Variants in GEN1 observed in about 807,000 individuals in gnomAD.
GEN1 encodes flap endonuclease GEN homolog 1.
Under a neutral mutation model 67.6 loss-of-function variants are expected in GEN1, and 64 were observed. The observed-to-expected ratio is 0.95, with a 90% CI of 0.77 to 1.17. GEN1 has a LOEUF of 1.17. GEN1 is among the 50% of genes most tolerant of loss of function. The probability of loss-of-function intolerance (pLI) is 0.00; values close to 1 mark genes in which losing one functional copy is unlikely to be tolerated. For synonymous variants in GEN1, 371 were observed against 359.4 expected, an observed-to-expected ratio of 1.03 and a Z score of -0.37; for missense variants, 1,058 against 1,048.3, an observed-to-expected ratio of 1.01 and a Z score of -0.13.
Position 17,778,407 on chromosome 2 carries a change from CACATATATGTGTGT to C in GEN1, c.1264+355_1264+368del, listed in dbSNP as rs760158880. 4.4e-4 allele frequency among the ~76,000 whole-genome samples: 35 copies of C among 79,176 alleles called. 5 individuals carry two copies. Among genetic ancestry groups the C allele is most frequent in the African/African-American group, 1.4e-3 (34 of 24,218 alleles). 51.9% of individuals were successfully genotyped at this position (79,176 alleles called of 152,430 possible). A position where few individuals can be genotyped will look rare whatever the true frequency, so the allele number is the denominator to read the frequency against. ...ATGTGTGTACATATATGTATATACA[CACATATATGTGTGT>C]ACATATATGTATATACACACACATA... On this transcript the variant is annotated intron_variant, in intron 12 of 13. Coordinates refer to ENST00000381254, the MANE Select transcript of GEN1 (RefSeq NM_001130009.3).
chr2:17,759,964 G>C lies in GEN1; in HGVS notation c.21G>C (p.Trp7Cys). 5 of 1,613,782 alleles carry C rather than the reference G, an allele frequency of 3.1e-6. No homozygotes were observed. Among genetic ancestry groups the C allele is most frequent in the Non-Finnish European group, 4.2e-6 (5 of 1,179,910 alleles). Residue 7 changes from tryptophan to cysteine, a missense_variant, in exon 2 of 14, where the codon TGG (tryptophan) becomes TGC (cysteine). Trp to Cys is a radical substitution (Grantham distance 215, BLOSUM62 -2). Coordinates refer to ENST00000381254, the MANE Select transcript of GEN1 (RefSeq NM_001130009.3). MGVNDL[W>C]QILEPVKQHI... ...CCAGAATGGGAGTGAATGACTTGTGGCAAATTTTGGAGCCTGTTAAGCAAC... is the reference window on the plus strand; with the variant it reads ...CCAGAATGGGAGTGAATGACTTGTGCCAAATTTTGGAGCCTGTTAAGCAAC...
intron 3 of GEN1, 128 bp downstream of exon 3, chr2:17,761,710 G>GT: frequency 1.5e-6 from 1 of 658,694 alleles, no homozygotes; most frequent in East Asian, 3.1e-5. Context: ...AGAGAAAAGA[G>GT]TTTATTTTTT....
At position 17,780,859 on chromosome 2, in the gene GEN1, A is replaced by T; in HGVS notation, c.1647A>T (p.Arg549Ser). Residue 549 changes from arginine to serine, a missense_variant, in exon 14 of 14, where the codon AGA becomes AGT. Coordinates refer to ENST00000381254, the MANE Select transcript of GEN1 (RefSeq NM_001130009.3). ...AAGAACAGTTCATGTCTTCTCTAAG[A>T]CCTTTGGCTATACAGCAAATTAAAG... ...NAQEQFMSSL[R>S]PLAIQQIKAV... 6.2e-7 allele frequency: 1 copy of T among 1,613,934 alleles called. No homozygotes were observed. Among genetic ancestry groups the T allele is most frequent in the Non-Finnish European group, 8.5e-7 (1 of 1,179,902 alleles).
chr2:17,780,762 T>G lies in GEN1; in HGVS notation c.1550T>G (p.Leu517Ter). 1 of 1,614,010 alleles carries G rather than the reference T, an allele frequency of 6.2e-7. No individual in the cohort carries two copies. The highest frequency in any genetic ancestry group is 2.2e-5 in the East Asian group (1 of 44,854). Residue 517 changes from leucine to a stop codon, truncating the protein, a stop_gained, in exon 14 of 14, where the codon TTA becomes TGA. Transcript: ENST00000381254. LOFTEE classifies it low-confidence loss of function (END_TRUNC). ...LNSGISPDPT[L>*]PQESISASLN... ...TCGGGGATTTCCCCTGATCCTACAT[T>G]ACCACAGGAATCTATTTCTGCCTCA...
chr2:17,769,226 A>G (rs1672072288), intron 6 of GEN1, among the ~76,000 whole-genome samples: 3 of 151,020 alleles, frequency 2.0e-5, no homozygotes. Context: ...TATATTAAAC[A>G]TGTTAATATA....
intron 2 of GEN1, among the ~76,000 whole-genome samples, chr2:17,760,678 T>C (rs1671633654): frequency 1.3e-5 from 2 of 152,148 alleles, no homozygotes; most frequent in Non-Finnish European, 2.9e-5. Context: ...TCCCAGCACT[T>C]TGGGAGGCCG....
chr2:17,775,635 A>G (rs951451758), intron 11 of GEN1, among the ~76,000 whole-genome samples: 1 of 152,228 alleles, frequency 6.6e-6, no homozygotes, highest in African/African-American at 2.4e-5. Context: ...AGATTGCTGC[A>G]GAGAAAGGAT....
At chr2:17,772,813 T>C in intron 8 of GEN1, 29 bp downstream of exon 8, 2 of 1,569,064 alleles carry the variant, frequency 1.3e-6, no homozygotes, top group Non-Finnish European at 1.7e-6. Context: ...TCATGATTTT[T>C]CCTGGCATGA....
chr2:17,785,340 A>G lies in GEN1; in HGVS notation c.*3401A>G, dbSNP rs1673022346. On this transcript the variant is annotated 3_prime_UTR_variant, in exon 14 of 14. Transcript: ENST00000381254. Reference sequence around the variant, plus strand: ...AAGCATTCCATGTTCTTGTTCCTTGATGTGGTCATGTTATCACTTGTAAAT... The same window carrying G: ...AAGCATTCCATGTTCTTGTTCCTTGGTGTGGTCATGTTATCACTTGTAAAT... The G allele has an allele frequency of 6.6e-6, 1 of 152,136 alleles. No individual in the cohort carries two copies. The highest frequency in any genetic ancestry group is 6.5e-5 in the Admixed American group (1 of 15,272). The allele number at this position is 152,136 out of a possible 1,614,324, so 9.4% of individuals were successfully genotyped here.
chr2:17,760,718 G>C (rs1671636005), intron 2 of GEN1, among the ~76,000 whole-genome samples: 1 of 152,076 alleles, frequency 6.6e-6, no homozygotes. Context: ...TCAGGAGTTT[G>C]AGACCAGCCT....
At chr2:17,772,990 C>T in intron 8 of GEN1, 106 bp from the exon 9 acceptor site, 2 of 842,312 alleles carry the variant, frequency 2.4e-6, no homozygotes, top group South Asian at 3.3e-5. Flanking sequence ...GTTTGGGATA[C>T]TGTAAATTCA....
Position 17,782,005 on chromosome 2 carries a change from A to G in GEN1, c.*66A>G. ...ATCAGCAATAGCAGAGACAGAGGGA[A>G]GGTATCTAGTTCATGTGTGGTAAAA... On this transcript the variant is annotated 3_prime_UTR_variant, in exon 14 of 14. Transcript: ENST00000381254. 1 of 856,160 alleles carries G rather than the reference A, an allele frequency of 1.2e-6. No homozygotes were observed. The highest frequency in any genetic ancestry group is 1.8e-6 in the Non-Finnish European group (1 of 552,452). The allele number at this position is 856,160 out of a possible 1,614,324, so 53.0% of individuals were successfully genotyped here. A position where few individuals can be genotyped will look rare whatever the true frequency, so the allele number is the denominator to read the frequency against.
intron 8 of GEN1, 30 bp downstream of exon 8, chr2:17,772,814 C>T (rs1672256433): frequency 1.3e-6 from 2 of 1,547,454 alleles, no homozygotes; most frequent in Non-Finnish European, 1.8e-6. Flanking sequence ...CATGATTTTT[C>T]CTGGCATGAC....
In GEN1 at chr2:17,764,751, A is replaced by T. The variant is rs889271704; in HGVS notation, c.349-146A>T. The T allele has an allele frequency of 8.6e-6, 6 of 694,968 alleles. No individual in the cohort carries two copies. In the East Asian group the frequency reaches 1.5e-4, roughly 17 times the overall value. The allele number at this position is 694,968 out of a possible 1,614,324, so 43.1% of individuals were successfully genotyped here. A position where few individuals can be genotyped will look rare whatever the true frequency, so the allele number is the denominator to read the frequency against. On this transcript the variant is annotated intron_variant, in intron 3 of 13. Transcript: ENST00000381254. ...CCCTCAAATATTCAGTCATTGTTCA[A>T]ATTTCCAAGTGTTTCTTAAATATCG...
chr2:17,773,372 A>T, intron 10 of GEN1, 73 bp downstream of exon 10: 1 of 930,806 alleles, frequency 1.1e-6, no homozygotes, highest in Non-Finnish European at 1.7e-6. Context: ...ATTCACTCTG[A>T]TTGGTCTTAG....
intron 1 of GEN1, among the ~76,000 whole-genome samples, chr2:17,759,262 G>A (rs1420636881): frequency 4.6e-5 from 7 of 152,220 alleles, no homozygotes. Context: ...ATAAGGAAAA[G>A]CTGGCCTATA....
chr2:17,754,232 T>C lies in GEN1; in HGVS notation c.-129T>C, dbSNP rs1364794775. 1 of 152,094 alleles carries C rather than the reference T, an allele frequency of 6.6e-6. No homozygotes were observed. Among genetic ancestry groups the C allele is most frequent in the Non-Finnish European group, 1.5e-5 (1 of 68,084 alleles). 9.4% of individuals were successfully genotyped at this position (152,094 alleles called of 1,614,324 possible). A position where few individuals can be genotyped will look rare whatever the true frequency, so the allele number is the denominator to read the frequency against. On this transcript the variant is annotated 5_prime_UTR_variant, in exon 1 of 14. Coordinates refer to ENST00000381254, the MANE Select transcript of GEN1 (RefSeq NM_001130009.3). Reference sequence around the variant, plus strand: ...GGTAAAGAAAGAGGACTTTCCTTTTTTTTTTTCCTTTTGAGAAAATTCAGA... The same window carrying C: ...GGTAAAGAAAGAGGACTTTCCTTTTCTTTTTTCCTTTTGAGAAAATTCAGA...
Position 17,761,315 on chromosome 2 carries a change from G to A in GEN1, c.162-81G>A, listed in dbSNP as rs1043588602. 6.9e-6 allele frequency: 5 copies of A among 729,734 alleles called. No individual in the cohort carries two copies. In the Admixed American group the frequency reaches 1.1e-4, roughly 16 times the overall value. The allele number at this position is 729,734 out of a possible 1,614,324, so 45.2% of individuals were successfully genotyped here. On this transcript the variant is annotated intron_variant, in intron 2 of 13. Transcript: ENST00000381254. ...TTAACGTTTTTGATACTAGTCTAAT[G>A]TTCTTGCCTTTGTGTTATACTATTT... is the stretch of plus-strand genomic sequence containing the variant.
Position 17,780,654 on chromosome 2 carries a change from C to T in GEN1, c.1442C>T (p.Pro481Leu). The change falls in exon 14 of 14, where the codon CCA becomes CTA. Residue 481 changes from proline (P) to leucine (L), a missense_variant. By Grantham distance (98) the Pro-to-Leu change is moderately conservative. Coordinates refer to ENST00000381254, the MANE Select transcript of GEN1 (RefSeq NM_001130009.3). ...IKPKENNLPEPDEVMSFQSHM... is the reference protein window; with the variant it reads ...IKPKENNLPELDEVMSFQSHM... ...CCTAAAGAAAACAATTTGCCAGAACCAGATGAAGTAATGAGCTTTCAGTCA... is the reference window on the plus strand; with the variant it reads ...CCTAAAGAAAACAATTTGCCAGAACTAGATGAAGTAATGAGCTTTCAGTCA... The T allele has an allele frequency of 6.3e-7, 1 of 1,599,152 alleles. No individual in the cohort carries two copies. Among genetic ancestry groups the T allele is most frequent in the South Asian group, 1.1e-5 (1 of 88,502 alleles).
Sources: gnomAD v4.1 joint callset for allele counts (sites outside exome capture counted in the v4.1 genomes callset) on GRCh38, gnomAD v4.1.1 for gene constraint, MANE v1.5 for transcripts, NCBI Gene and HGNC (gene_info 2026-07-23, HGNC 2026-07-21) for gene names.